Variants in RGS6 observed in about 807,000 individuals in gnomAD.
The protein encoded by RGS6 is regulator of G protein signaling 6, also known as regulator of G-protein signaling 6.
A neutral mutation model predicts 78.5 loss-of-function variants in RGS6; 30 were observed. The observed-to-expected ratio is 0.38, with a 90% confidence interval of 0.29 to 0.52. The LOEUF (loss-of-function observed/expected upper bound fraction) is 0.52. Among genes scored for constraint, RGS6 ranks in the 20% least tolerant of loss-of-function variants. The pLI is 0.85. For missense variants in RGS6, 495 were observed against 609.7 expected (o/e 0.81, Z 1.98); for synonymous variants, 206 against 206.0 (o/e 1.00, Z 0.00).
chr14:72,286,443 G>A (rs1439132689), intron 2 of RGS6, among the ~76,000 whole-genome samples: 1 of 152,030 alleles, frequency 6.6e-6, no homozygotes, highest in Non-Finnish European at 1.5e-5. Context: ...CAGGAAGTGT[G>A]ATGCATCCAT....
intron 2 of RGS6, among the ~76,000 whole-genome samples, chr14:72,341,367 A>G (rs925247176): frequency 1.1e-4 from 16 of 152,214 alleles, no homozygotes; most frequent in Admixed American, 9.8e-4. Flanking sequence ...CTCACCTCCC[A>G]CGAGGCCTCT....
At position 72,311,393 on chromosome 14, in the gene RGS6, G is replaced by A. The variant is rs571602232; in HGVS notation, c.85-40702G>A. On this transcript the variant is annotated intron_variant, in intron 2 of 17. Coordinates refer to ENST00000553525, the MANE Select transcript of RGS6 (RefSeq NM_001204424.2). ...TCAGAACTAAATGCTAATAAGATTT[G>A]GCCTGGGAGAGTAACATAGTAAGAT... is the stretch of plus-strand genomic sequence containing the variant. Among the ~76,000 whole-genome samples the A allele has an allele frequency of 5.3e-5, 8 of 152,150 alleles. No homozygotes were observed. The South Asian group carries it at 1.0e-3, about 20-fold the overall frequency.
At chr14:72,512,519 A>G in intron 14 of RGS6, among the ~76,000 whole-genome samples, 1 of 152,172 alleles carries the variant, frequency 6.6e-6, no homozygotes, top group Non-Finnish European at 1.5e-5. Context: ...CTTGGGTGAA[A>G]GCATGCATGT....
At chr14:72,179,301 A>G (rs564777214) in intron 2 of RGS6, among the ~76,000 whole-genome samples, 1 of 152,262 alleles carries the variant, frequency 6.6e-6, no homozygotes, top group African/African-American at 2.4e-5. Flanking sequence ...TGGGATTCCT[A>G]AAATTCAGCT....
At chr14:72,411,135 C>T (rs1310179104) in intron 3 of RGS6, among the ~76,000 whole-genome samples, 2 of 152,150 alleles carry the variant, frequency 1.3e-5, no homozygotes, top group African/African-American at 2.4e-5. Context: ...ATGGGGTTGG[C>T]ATTGAATCTA....
chr14:72,290,956 G>A (rs2063473228), intron 2 of RGS6, among the ~76,000 whole-genome samples: 1 of 152,026 alleles, frequency 6.6e-6, no homozygotes, highest in African/African-American at 2.4e-5. Context: ...GCAAAGCTCT[G>A]GAAGAACAGG....
At chr14:72,149,123 G>A (rs2153631815) in intron 2 of RGS6, among the ~76,000 whole-genome samples, 1 of 152,306 alleles carries the variant, frequency 6.6e-6, no homozygotes, top group South Asian at 2.1e-4. Context: ...TTGAGCAGGG[G>A]TTGTGGCTGG....
intron 2 of RGS6, among the ~76,000 whole-genome samples, chr14:72,145,532 G>A (rs772556554): frequency 6.6e-5 from 10 of 152,182 alleles, no homozygotes; most frequent in African/African-American, 1.4e-4. Context: ...AGGTTGGAGC[G>A]TACTGGTTCC....
chr14:72,410,961 G>T (rs1228031525), intron 3 of RGS6, among the ~76,000 whole-genome samples: 1 of 152,152 alleles, frequency 6.6e-6, no homozygotes, highest in African/African-American at 2.4e-5. Flanking sequence ...ATGCTGTTTT[G>T]GTTACTGTAG....
intron 2 of RGS6, among the ~76,000 whole-genome samples, chr14:72,020,739 AG>A (rs1567034807): frequency 2.0e-5 from 3 of 152,240 alleles, no homozygotes; most frequent in Non-Finnish European, 2.9e-5. Flanking sequence ...ACTGTGTGCC[AG>A]GCACTGCTTT....
chr14:72,340,527 G>C (rs191317573), intron 2 of RGS6, among the ~76,000 whole-genome samples: 38 of 152,282 alleles, frequency 2.5e-4, no homozygotes, highest in African/African-American at 8.7e-4. Flanking sequence ...GTGCAGGCAG[G>C]CTGGGAAGAT....
intron 2 of RGS6, among the ~76,000 whole-genome samples, chr14:72,243,739 C>A (rs2053507966): frequency 1.3e-5 from 2 of 151,748 alleles, no homozygotes. Context: ...TTCCTACATT[C>A]TCTAGGAAAA....
intron 3 of RGS6, among the ~76,000 whole-genome samples, chr14:72,398,316 T>C (rs1401158630): frequency 1.3e-5 from 2 of 152,242 alleles, no homozygotes; most frequent in Non-Finnish European, 2.9e-5. Context: ...CCATTTCTTC[T>C]TGATTTTCTA....
intron 2 of RGS6, among the ~76,000 whole-genome samples, chr14:71,987,364 A>C (rs564703848): frequency 6.6e-6 from 1 of 151,936 alleles, no homozygotes; most frequent in Non-Finnish European, 1.5e-5. Context: ...GACCTTCACA[A>C]CCTGCTCACT....
chr14:72,534,523 G>A (rs1348139534), intron 15 of RGS6, among the ~76,000 whole-genome samples: 1 of 152,166 alleles, frequency 6.6e-6, no homozygotes, highest in Non-Finnish European at 1.5e-5. Context: ...ACAAATGACA[G>A]GATTTCCTTC....
intron 7 of RGS6, 26 bp from the exon 8 acceptor site, chr14:72,469,981 C>G (rs2096029536): frequency 6.5e-7 from 1 of 1,549,676 alleles, no homozygotes; most frequent in Non-Finnish European, 8.9e-7. Context: ...ATTAATGCCG[C>G]CTTGTTGATT....
intron 2 of RGS6, among the ~76,000 whole-genome samples, chr14:72,089,180 G>A (rs866008454): frequency 4.6e-5 from 7 of 152,170 alleles, no homozygotes; most frequent in Middle Eastern, 3.2e-3. Context: ...ACAGTGACTG[G>A]CACATGGAAA....
At chr14:72,612,525 T>G in the RGS6 span, 1 of 518,638 alleles carries the variant, frequency 1.9e-6, no homozygotes, top group African/African-American at 1.9e-5. Context: ...CCACTGTTGC[T>G]TCCCACTTCC....
chr14:72,068,095 C>T (rs1326012831), intron 2 of RGS6, among the ~76,000 whole-genome samples: 4 of 151,692 alleles, frequency 2.6e-5, no homozygotes, highest in African/African-American at 7.3e-5. Context: ...GAAAGTGAGC[C>T]CAGATTACAC....
Sources: gnomAD v4.1 joint callset for allele counts (sites outside exome capture counted in the v4.1 genomes callset) on GRCh38, gnomAD v4.1.1 for gene constraint, MANE v1.5 for transcripts, NCBI Gene and HGNC (gene_info 2026-07-23, HGNC 2026-07-21) for gene names.